Variants in ADAM20 observed in about 807,000 individuals in gnomAD.
The protein encoded by ADAM20 is ADAM metallopeptidase domain 20.
For synonymous variants in ADAM20, 305 were observed against 310.2 expected (o/e 0.98, Z 0.18); for missense variants, 871 against 883.2 (o/e 0.99, Z 0.18).
chr14:70,555,871 T>C, the ADAM20 span, among the ~76,000 whole-genome samples: 1 of 152,216 alleles, frequency 6.6e-6, no homozygotes, highest in Non-Finnish European at 1.5e-5. Flanking sequence ...CTTTCTCCGT[T>C]AAACCTCTCT....
At chr14:70,579,398 C>T in the ADAM20 span, among the ~76,000 whole-genome samples, 1 of 152,010 alleles carries the variant, frequency 6.6e-6, no homozygotes, top group Admixed American at 6.6e-5. Flanking sequence ...GATGGTATCT[C>T]GTCGTGGTTT....
chr14:70,557,676 C>T, the ADAM20 span, among the ~76,000 whole-genome samples: 5 of 152,208 alleles, frequency 3.3e-5, no homozygotes, highest in Non-Finnish European at 7.3e-5. Flanking sequence ...TTAAGACAAG[C>T]TTGTCCATGG....
chr14:70,547,369 T>C, the ADAM20 span: 1 of 150,808 alleles, frequency 6.6e-6, no homozygotes, highest in Non-Finnish European at 1.5e-5. Flanking sequence ...AGACGGGTGA[T>C]TTCTGCATTT....
the ADAM20 span, among the ~76,000 whole-genome samples, chr14:70,541,804 T>C: frequency 6.6e-6 from 1 of 152,230 alleles, no homozygotes; most frequent in Non-Finnish European, 1.5e-5. Flanking sequence ...TCAGTAATAA[T>C]TACACTATAC....
chr14:70,523,075 A>G lies in ADAM20; in HGVS notation c.1683T>C (p.Cys561=), dbSNP rs1883489447. 6.2e-7 allele frequency: 1 copy of G among 1,613,932 alleles called. No homozygotes were observed. Among genetic ancestry groups the G allele is most frequent in the Non-Finnish European group, 8.5e-7 (1 of 1,179,934 alleles). Residue 561 remains cysteine (C), a synonymous_variant, in exon 2 of 2, where the codon TGT becomes TGC. Transcript: ENST00000256389. ...YVKCWTPDIM[C]GRVQCENVGV... ...CCACATTTTCACACTGAACCCTCCC[A>G]CACATGATATCAGGGGTCCAACATT...
chr14:70,566,633 G>T, the ADAM20 span, among the ~76,000 whole-genome samples: 2,716 of 152,210 alleles, frequency 0.018, 78 homozygotes, highest in African/African-American at 0.061. Flanking sequence ...AAAAGACAAA[G>T]AGGAAGAATC....
the ADAM20 span, among the ~76,000 whole-genome samples, chr14:70,566,037 C>A: frequency 1.5e-3 from 226 of 152,080 alleles, no homozygotes; most frequent in Non-Finnish European, 2.7e-3. Context: ...AAGTTCATCA[C>A]CACTATGTTT....
At chr14:70,532,988 G>A (rs1488287287) in intron 1 of ADAM20, among the ~76,000 whole-genome samples, 1 of 152,050 alleles carries the variant, frequency 6.6e-6, no homozygotes, top group African/African-American at 2.4e-5. Context: ...ACCACAAAGA[G>A]ATCTCACCTC....
chr14:70,528,685 C>A (rs991036375), intron 1 of ADAM20, among the ~76,000 whole-genome samples: 1 of 152,206 alleles, frequency 6.6e-6, no homozygotes, highest in African/African-American at 2.4e-5. Flanking sequence ...GGAAAATACA[C>A]AAACCCAAAC....
the ADAM20 span, among the ~76,000 whole-genome samples, chr14:70,540,037 C>G: frequency 6.6e-6 from 1 of 152,170 alleles, no homozygotes; most frequent in East Asian, 1.9e-4. Context: ...CCGCAACACA[C>G]GCCCAACTAA....
At chr14:70,578,389 C>A in the ADAM20 span, among the ~76,000 whole-genome samples, 2 of 151,954 alleles carry the variant, frequency 1.3e-5, no homozygotes, top group African/African-American at 2.4e-5. Context: ...TTATAAAGAT[C>A]CTAGAAGAAA....
At chr14:70,544,044 C>T in the ADAM20 span, among the ~76,000 whole-genome samples, 17 of 152,212 alleles carry the variant, frequency 1.1e-4, no homozygotes, top group South Asian at 8.3e-4. Context: ...ACCAGAGACA[C>T]GCCAGCCCCG....
In ADAM20 at chr14:70,523,889, C is replaced by T. The variant is rs754605627; in HGVS notation, c.869G>A (p.Arg290Gln). The change falls in exon 2 of 2, where the codon CGA becomes CAA. Residue 290 changes from arginine to glutamine, a missense_variant. Arg to Gln is a conservative substitution (Grantham distance 43). Transcript: ENST00000256389. ...AAGATGTGCAACATCATGTTGTAGT[C>T]GATTATTAAGGTTATAATTCTTCCA... Reference protein sequence around the residue: ...SIWKNYNLNNRLQHDVAHLFI... With the variant: ...SIWKNYNLNNQLQHDVAHLFI... The T allele has an allele frequency of 5.0e-6, 8 of 1,613,692 alleles. No homozygotes were observed. The African/African-American group carries it at 5.3e-5, about 11-fold the overall frequency.
chr14:70,535,167 G>C (rs1379346463), upstream of ADAM20, among the ~76,000 whole-genome samples: 2 of 152,150 alleles, frequency 1.3e-5, no homozygotes, highest in Non-Finnish European at 2.9e-5. Flanking sequence ...AGGTGAAATA[G>C]CTATATTTAA....
chr14:70,563,690 C>T, the ADAM20 span, among the ~76,000 whole-genome samples: 25 of 148,524 alleles, frequency 1.7e-4, no homozygotes, highest in Admixed American at 1.1e-3. Flanking sequence ...GACCTGGCTG[C>T]TGTAAAGTGT....
Position 70,524,188 on chromosome 14 carries a change from A to T in ADAM20, c.570T>A (p.Tyr190Ter), listed in dbSNP as rs367614369. ...IAHQMELQLSYNFTLKQSSFV... is the reference protein window; with the variant it reads ...IAHQMELQLS ...AAGAACTTTGCTTCAGAGTGAAATT[A>T]TATGACAATTGCAACTCCATCTGGT... Residue 190 changes from tyrosine (Y) to a stop codon, truncating the protein, a stop_gained, in exon 2 of 2, where the codon TAT becomes TAA. Coordinates refer to ENST00000256389, the MANE Select transcript of ADAM20 (RefSeq NM_003814.5). LOFTEE classifies it low-confidence loss of function (END_TRUNC). The T allele has an allele frequency of 1.9e-6, 3 of 1,613,824 alleles. No individual in the cohort carries two copies. In the African/African-American group the frequency reaches 4.0e-5, roughly 22 times the overall value.
Position 70,522,919 on chromosome 14 carries a change from T to C in ADAM20, c.1839A>G (p.Val613=), listed in dbSNP as rs770744200. The C allele has an allele frequency of 6.2e-7, 1 of 1,614,046 alleles. No homozygotes were observed. The change falls in exon 2 of 2, where the codon GTA becomes GTG. Residue 613 remains valine (V), a synonymous_variant. Coordinates refer to ENST00000256389, the MANE Select transcript of ADAM20 (RefSeq NM_003814.5). The part of the protein sequence containing the change: ...PDIGEVKDGT[V]CGPEKICIRK... ...GGATGCAGATCTTTTCTGGACCACA[T>C]ACTGTGCCATCTTTCACCTCACCAA...
At chr14:70,525,755 T>A (rs1376053897) in intron 1 of ADAM20, among the ~76,000 whole-genome samples, 1 of 152,170 alleles carries the variant, frequency 6.6e-6, no homozygotes, top group Non-Finnish European at 1.5e-5. Context: ...AAGGGCTTAC[T>A]AGTATTGAGA....
chr14:70,573,426 C>T, the ADAM20 span, among the ~76,000 whole-genome samples: 1 of 152,100 alleles, frequency 6.6e-6, no homozygotes, highest in Non-Finnish European at 1.5e-5. Context: ...CTAGGGATTC[C>T]AAGGGTGGGG....
Sources: allele counts gnomAD v4.1 joint callset (sites outside exome capture counted in the v4.1 genomes callset), GRCh38; gene constraint gnomAD v4.1.1; transcripts MANE v1.5; gene names NCBI Gene and HGNC (gene_info 2026-07-23, HGNC 2026-07-21).